The following RAB3C variants were observed in gnomAD, a reference collection of about 807,000 sequenced individuals.
RAB3C encodes the protein ras-related protein Rab-3C.
In RAB3C, 17 loss-of-function variants were observed where a neutral mutation model predicts 26.4. The ratio of observed to expected loss-of-function variants is 0.64; its 90% CI spans 0.44 to 0.97. The LOEUF is 0.97. Ranked by LOEUF, RAB3C falls within the 50% of genes least tolerant of loss-of-function variation. The probability of loss-of-function intolerance (pLI) is 0.00; values close to 1 mark genes in which losing one functional copy is unlikely to be tolerated. For synonymous variants in RAB3C, 91 were observed against 95.9 expected (o/e 0.95, Z 0.30); for missense variants, 242 against 281.9 (o/e 0.86, Z 1.01).
intron 3 of RAB3C, among the ~76,000 whole-genome samples, chr5:58,773,766 AT>A (rs1742071681): frequency 6.6e-6 from 1 of 152,044 alleles, no homozygotes; most frequent in South Asian, 2.1e-4. Flanking sequence ...TGATCAGTTG[AT>A]CCCATCACTC....
chr5:58,696,251 C>G (rs1005192103), intron 2 of RAB3C, among the ~76,000 whole-genome samples: 1 of 152,180 alleles, frequency 6.6e-6, no homozygotes, highest in Admixed American at 6.5e-5. Context: ...GTTGAACCAG[C>G]CTTGCATTCC....
chr5:58,672,289 A>G (rs971623239), intron 2 of RAB3C, among the ~76,000 whole-genome samples: 3 of 152,132 alleles, frequency 2.0e-5, no homozygotes, highest in Non-Finnish European at 4.4e-5. Flanking sequence ...TTAGACAAAC[A>G]CGGGAACCAC....
intron 3 of RAB3C, among the ~76,000 whole-genome samples, chr5:58,782,871 T>G (rs1742301140): frequency 6.6e-6 from 1 of 152,136 alleles, no homozygotes; most frequent in African/African-American, 2.4e-5. Flanking sequence ...CACATTTACC[T>G]TTCAGATTTA....
chr5:58,765,524 G>A (rs1261346808), intron 3 of RAB3C, among the ~76,000 whole-genome samples: 2 of 152,142 alleles, frequency 1.3e-5, no homozygotes, highest in Non-Finnish European at 2.9e-5. Context: ...AATATTTGCT[G>A]TGCAACCTTC....
intron 3 of RAB3C, among the ~76,000 whole-genome samples, chr5:58,759,710 G>T (rs1185365860): frequency 6.6e-6 from 1 of 152,148 alleles, no homozygotes; most frequent in African/African-American, 2.4e-5. Context: ...TAGATGAGTT[G>T]TAAAGCACAT....
chr5:58,684,187 T>C (rs916821886), intron 2 of RAB3C, among the ~76,000 whole-genome samples: 1 of 152,198 alleles, frequency 6.6e-6, no homozygotes, highest in East Asian at 1.9e-4. Context: ...ATTTACATTG[T>C]ATTAGGTATT....
intron 2 of RAB3C, among the ~76,000 whole-genome samples, chr5:58,703,593 T>C (rs1748890624): frequency 6.6e-6 from 1 of 152,194 alleles, no homozygotes; most frequent in African/African-American, 2.4e-5. Flanking sequence ...AACCAGAATT[T>C]GGAGAAATTG....
At chr5:58,745,297 C>A (rs1741374635) in intron 3 of RAB3C, among the ~76,000 whole-genome samples, 1 of 142,782 alleles carries the variant, frequency 7.0e-6, no homozygotes, top group Non-Finnish European at 1.5e-5. Flanking sequence ...ACTTGGGAGG[C>A]TGAGGCAGGA....
chr5:58,753,649 G>C (rs1741583155), intron 3 of RAB3C, among the ~76,000 whole-genome samples: 1 of 152,156 alleles, frequency 6.6e-6, no homozygotes, highest in African/African-American at 2.4e-5. Context: ...ACAGGAAGAG[G>C]AGGGAAAGGA....
At chr5:58,812,130 A>C (rs1188257362) in intron 3 of RAB3C, among the ~76,000 whole-genome samples, 1 of 152,196 alleles carries the variant, frequency 6.6e-6, no homozygotes, top group African/African-American at 2.4e-5. Flanking sequence ...AAAAAGAAAA[A>C]CAAACCTACT....
intron 3 of RAB3C, chr5:58,794,490 C>T (rs538683740): frequency 1.3e-5 from 2 of 151,930 alleles, no homozygotes; most frequent in South Asian, 4.2e-4. Flanking sequence ...TCGTTGTGGT[C>T]CAGATTGTCT....
intron 2 of RAB3C, among the ~76,000 whole-genome samples, chr5:58,715,238 T>G (rs1045202838): frequency 1.3e-5 from 2 of 152,054 alleles, no homozygotes; most frequent in Admixed American, 1.3e-4. Context: ...TCTTTTTTTT[T>G]TCTTCTTGAA....
intron 2 of RAB3C, among the ~76,000 whole-genome samples, chr5:58,697,815 G>T (rs771037499): frequency 6.6e-6 from 1 of 152,044 alleles, no homozygotes; most frequent in Non-Finnish European, 1.5e-5. Flanking sequence ...GCCTATGTGC[G>T]TCTTTGCACA....
intron 3 of RAB3C, among the ~76,000 whole-genome samples, chr5:58,776,864 G>A (rs976330806): frequency 6.6e-6 from 1 of 152,174 alleles, no homozygotes; most frequent in African/African-American, 2.4e-5. Context: ...AGATGGGGAA[G>A]AGAGAATGAA....
intron 4 of RAB3C, chr5:58,848,533 G>C (rs958022907): frequency 6.6e-6 from 1 of 152,166 alleles, no homozygotes; most frequent in Non-Finnish European, 1.5e-5. Context: ...GCCATTTTCT[G>C]CCTCTATTTC....
chr5:58,663,985 T>C (rs1459267694), intron 2 of RAB3C, among the ~76,000 whole-genome samples: 2 of 152,166 alleles, frequency 1.3e-5, no homozygotes, highest in Non-Finnish European at 1.5e-5. Flanking sequence ...AATAACGAGA[T>C]GAATGCATGA....
rs2112054981 is a variant in RAB3C at position 58,822,680 on chromosome 5, T to A, written c.372-2358T>A. 1.4e-5 allele frequency: 6 copies of A among 421,626 alleles called. 1 individual carries two copies. The highest frequency in any genetic ancestry group is 1.3e-4 in the South Asian group (6 of 46,184). 26.1% of individuals were successfully genotyped at this position (421,626 alleles called of 1,614,324 possible). A position where few individuals can be genotyped will look rare whatever the true frequency, so the allele number is the denominator to read the frequency against. ...ATAGTCTGTGTAACAAACAGAGATA[T>A]GATTTGTCAGATTACTTATGCCCAT... On this transcript the variant is annotated intron_variant, in intron 3 of 4. Transcript: ENST00000282878.
chr5:58,782,450 G>A (rs898057667), intron 3 of RAB3C, among the ~76,000 whole-genome samples: 1 of 152,056 alleles, frequency 6.6e-6, no homozygotes, highest in Non-Finnish European at 1.5e-5. Context: ...CAGTATTTAA[G>A]TAGTATCTCC....
At chr5:58,812,660 T>G (rs1743118851) in intron 3 of RAB3C, among the ~76,000 whole-genome samples, 1 of 152,224 alleles carries the variant, frequency 6.6e-6, no homozygotes, top group South Asian at 2.1e-4. Context: ...AGTATTTTGC[T>G]TTTGTTTTTG....
Sources: allele counts gnomAD v4.1 joint callset (sites outside exome capture counted in the v4.1 genomes callset), GRCh38; gene constraint gnomAD v4.1.1; transcripts MANE v1.5; gene names NCBI Gene and HGNC (gene_info 2026-07-23, HGNC 2026-07-21).